The following NOX4 variants were observed in gnomAD, a reference collection of about 807,000 sequenced individuals.
NOX4 encodes kidney oxidase-1.
A neutral mutation model predicts 87.6 loss-of-function variants in NOX4; 69 were observed. The observed-to-expected ratio is 0.79, with a 90% CI of 0.65 to 0.96. NOX4 has a LOEUF of 0.96. Among genes scored for constraint, NOX4 ranks in the 40% least tolerant of loss-of-function variants. NOX4 has a pLI of 0.00. For missense variants in NOX4, 680 were observed against 681.5 expected (o/e 1.00, Z 0.02); for synonymous variants, 275 against 238.2 (o/e 1.15, Z -1.42).
chr11:89,477,808 A>G (rs1201863531), intron 2 of NOX4, among the ~76,000 whole-genome samples: 2 of 152,158 alleles, frequency 1.3e-5, no homozygotes, highest in Non-Finnish European at 2.9e-5. Flanking sequence ...TTTGGGAGCT[A>G]AAATGTGGAA....
chr11:89,474,354 C>T (rs1238342949), intron 2 of NOX4, among the ~76,000 whole-genome samples: 1 of 149,802 alleles, frequency 6.7e-6, no homozygotes, highest in Non-Finnish European at 1.5e-5. Context: ...CAATACATCA[C>T]ATCTTGGAAT....
the NOX4 span, among the ~76,000 whole-genome samples, chr11:89,528,564 G>C: frequency 1.8e-4 from 27 of 152,132 alleles, no homozygotes; most frequent in African/African-American, 6.5e-4. Flanking sequence ...TCTCATAATA[G>C]TAAGTGAGTT....
chr11:89,421,954 T>C lies in NOX4; in HGVS notation c.577A>G (p.Thr193Ala), dbSNP rs1943108236. 1 of 1,563,434 alleles carries C rather than the reference T, an allele frequency of 6.4e-7. No individual in the cohort carries two copies. Among genetic ancestry groups the C allele is most frequent in the Non-Finnish European group, 8.6e-7 (1 of 1,157,216 alleles). ...TAGAAGACAAAGAAGAGGTTATGAGTATACCAGAAGATATCATAGTTAGAA... is the reference window on the plus strand; with the variant it reads ...TAGAAGACAAAGAAGAGGTTATGAGCATACCAGAAGATATCATAGTTAGAA... ...RVSNYDIFWY[T>A]HNLFFVFYML... Residue 193 changes from threonine (T) to alanine (A), a missense_variant, in exon 8 of 18, where the codon ACT becomes GCT. Transcript: ENST00000263317.
chr11:89,451,160 A>T (rs910770074), intron 3 of NOX4, among the ~76,000 whole-genome samples: 5 of 151,848 alleles, frequency 3.3e-5, no homozygotes, highest in African/African-American at 9.7e-5. Flanking sequence ...ACATGTATAC[A>T]TATGTAACAA....
At position 89,486,619 on chromosome 11, in the gene NOX4, T is replaced by G. The variant is rs556136268; in HGVS notation, c.153+3839A>C. On this transcript the variant is annotated intron_variant, in intron 2 of 17. Transcript: ENST00000263317. ...ATATATACATATATATGTGTGTATA[T>G]ATGTGTATATATACATATATATGTG... Among the ~76,000 whole-genome samples, 5 of 132,232 alleles carry G rather than the reference T, an allele frequency of 3.8e-5. No homozygotes were observed. The South Asian group carries it at 7.0e-4, about 18-fold the overall frequency. The allele number at this position is 132,232 out of a possible 152,430, so 86.7% of individuals were successfully genotyped here.
At chr11:89,586,015 ACC>A in the NOX4 span, among the ~76,000 whole-genome samples, 1 of 152,006 alleles carries the variant, frequency 6.6e-6, no homozygotes, top group Non-Finnish European at 1.5e-5. Flanking sequence ...CATCTTGTCT[ACC>A]CTTACTTATG....
At chr11:89,401,876 C>G (rs1941873130) in intron 9 of NOX4, among the ~76,000 whole-genome samples, 1 of 152,048 alleles carries the variant, frequency 6.6e-6, no homozygotes, top group South Asian at 2.1e-4. Context: ...CATTTTAGCA[C>G]AATGCCTGGC....
rs747022594 is a variant in NOX4, at chr11:89,373,477, T to C, written c.1090A>G (p.Lys364Glu). ...TTAAGATGAACCCCAAATGTTGCTT[T>C]GGTTTCAGTTGGACACTAAAAAAAA... ...FTLTMCPTET[K>E]ATFGVHLKIV... Residue 364 changes from lysine (K) to glutamate (E), a missense_variant, in exon 12 of 18, where the codon AAA (lysine) becomes GAA (glutamate). Physicochemically the swap from Lys to Glu is moderately conservative, Grantham distance 56. Coordinates refer to ENST00000263317, the MANE Select transcript of NOX4 (RefSeq NM_016931.5). The C allele has an allele frequency of 3.1e-6, 5 of 1,592,548 alleles. No individual in the cohort carries two copies. The South Asian group carries it at 5.5e-5, about 18-fold the overall frequency.
At position 89,421,983 on chromosome 11, in the gene NOX4, C is replaced by G. The variant is rs1943110590; in HGVS notation, c.549-1G>C. On this transcript the variant is annotated splice_acceptor_variant, in intron 7 of 17. Coordinates refer to ENST00000263317, the MANE Select transcript of NOX4 (RefSeq NM_016931.5). LOFTEE classifies it high-confidence loss of function. Reference sequence around the variant, plus strand: ...CCAGAAGATATCATAGTTAGAAACTCTGCAAAAACAAATACACTCATTTTA... The same window carrying G: ...CCAGAAGATATCATAGTTAGAAACTGTGCAAAAACAAATACACTCATTTTA... The G allele has an allele frequency of 6.7e-7, 1 of 1,490,920 alleles. No individual in the cohort carries two copies. The highest frequency in any genetic ancestry group is 1.4e-5 in the African/African-American group (1 of 69,706). The allele number at this position is 1,490,920 out of a possible 1,614,324, so 92.4% of individuals were successfully genotyped here.
At chr11:89,556,133 A>C in the NOX4 span, among the ~76,000 whole-genome samples, 1 of 151,872 alleles carries the variant, frequency 6.6e-6, no homozygotes, top group African/African-American at 2.4e-5. Flanking sequence ...TTGGGATCTA[A>C]CATCTACCCT....
chr11:89,504,529 T>C, the NOX4 span, among the ~76,000 whole-genome samples: 2 of 151,970 alleles, frequency 1.3e-5, no homozygotes, highest in Non-Finnish European at 2.9e-5. Flanking sequence ...ACAATGACTT[T>C]ATCAGAGTTG....
the NOX4 span, among the ~76,000 whole-genome samples, chr11:89,529,176 GT>G: frequency 6.6e-6 from 1 of 152,156 alleles, no homozygotes; most frequent in Non-Finnish European, 1.5e-5. Context: ...AGAAAATTCT[GT>G]GTCTGATGTT....
At chr11:89,522,189 G>C in the NOX4 span, among the ~76,000 whole-genome samples, 3 of 152,092 alleles carry the variant, frequency 2.0e-5, no homozygotes, top group Non-Finnish European at 4.4e-5. Flanking sequence ...ATATCCAAAA[G>C]AAAACAAATT....
chr11:89,518,692 C>A, the NOX4 span, among the ~76,000 whole-genome samples: 1 of 151,914 alleles, frequency 6.6e-6, no homozygotes, highest in South Asian at 2.1e-4. Flanking sequence ...TTGGATAATC[C>A]AATACTGATA....
At chr11:89,496,564 T>C (rs1048327513), upstream of NOX4, among the ~76,000 whole-genome samples, 4 of 148,180 alleles carry the variant, frequency 2.7e-5, no homozygotes, top group Non-Finnish European at 5.9e-5. Flanking sequence ...ATGCCAATGA[T>C]AGATCAATAG....
chr11:89,431,644 C>T (rs1344221231), intron 7 of NOX4, among the ~76,000 whole-genome samples: 2 of 152,152 alleles, frequency 1.3e-5, no homozygotes, highest in African/African-American at 4.8e-5. Context: ...ATCAAAACCA[C>T]AATGAGATAC....
chr11:89,461,164 G>A (rs967460860), intron 2 of NOX4, among the ~76,000 whole-genome samples: 3 of 151,938 alleles, frequency 2.0e-5, no homozygotes, highest in Non-Finnish European at 2.9e-5. Flanking sequence ...GTTGTGGGGT[G>A]GGGGGAGCCG....
At chr11:89,438,508 T>TTATATACTA in intron 6 of NOX4, among the ~76,000 whole-genome samples, 1 of 84,410 alleles carries the variant, frequency 1.2e-5, no homozygotes, top group Admixed American at 2.0e-4. Flanking sequence ...AGCATATATA[T>TTATATACTA]TATATACTAT....
At chr11:89,338,347 G>T (rs1005498612) in intron 15 of NOX4, among the ~76,000 whole-genome samples, 15 of 151,996 alleles carry the variant, frequency 9.9e-5, no homozygotes, top group African/African-American at 2.9e-4. Flanking sequence ...AGGCTGAATA[G>T]TTATGCATTG....
Sources: allele counts gnomAD v4.1 joint callset (sites outside exome capture counted in the v4.1 genomes callset), GRCh38; gene constraint gnomAD v4.1.1; transcripts MANE v1.5; gene names NCBI Gene and HGNC (gene_info 2026-07-23, HGNC 2026-07-21).